C12orf42: variants seen among roughly 807,000 people sequenced by gnomAD.
C12orf42 encodes the protein uncharacterized protein C12orf42.
In C12orf42, 25 loss-of-function variants were observed where a neutral mutation model predicts 21.6. That is an observed-to-expected ratio of 1.16 (90% CI 0.84 to 1.62). C12orf42 has a LOEUF of 1.62. C12orf42 is among the 40% of genes most tolerant of loss of function. C12orf42 has a pLI of 0.00. For synonymous variants in C12orf42, 174 were observed against 175.0 expected, an observed-to-expected ratio of 0.99 and a Z score of 0.05; for missense variants, 483 against 459.3, an observed-to-expected ratio of 1.05 and a Z score of -0.47.
At chr12:103,126,517 G>T in the C12orf42 span, among the ~76,000 whole-genome samples, 1 of 152,230 alleles carries the variant, frequency 6.6e-6, no homozygotes, top group African/African-American at 2.4e-5. Context: ...AATAAGAGAA[G>T]ATGCCCACCA....
chr12:103,133,363 C>T, the C12orf42 span, among the ~76,000 whole-genome samples: 139 of 152,194 alleles, frequency 9.1e-4, no homozygotes, highest in Admixed American at 1.5e-3. Context: ...ATTGTTACTA[C>T]TGGCACCTAA....
chr12:103,328,156 G>C (rs765880200), intron 4 of C12orf42, among the ~76,000 whole-genome samples: 4 of 152,030 alleles, frequency 2.6e-5, no homozygotes, highest in African/African-American at 4.8e-5. Flanking sequence ...ATCTCATCAA[G>C]GGAAAAATAT....
rs140308334 is a variant in C12orf42 at position 103,329,063 on chromosome 12, C to A, written c.260-22718G>T. ...GCAGTGATAAGCGCAGGGATGCAGG[C>A]ATGCATTTAGAGCTATGGCAGGGAC... On this transcript the variant is annotated intron_variant, in intron 4 of 5. Transcript: ENST00000548883. Among the ~76,000 whole-genome samples the A allele has an allele frequency of 4.2e-3, 632 of 152,054 alleles. 4 individuals are homozygous for A. Among genetic ancestry groups the A allele is most frequent in the African/African-American group, 0.014 (597 of 41,420 alleles).
At chr12:103,334,788 C>T (rs1270340590) in intron 4 of C12orf42, among the ~76,000 whole-genome samples, 7 of 152,308 alleles carry the variant, frequency 4.6e-5, no homozygotes, top group East Asian at 1.9e-4. Flanking sequence ...ATTGTTGCTG[C>T]GCCAACCACC....
the C12orf42 span, among the ~76,000 whole-genome samples, chr12:103,058,403 A>G: frequency 6.6e-6 from 1 of 151,960 alleles, no homozygotes; most frequent in Admixed American, 6.6e-5. Flanking sequence ...GCTTGCAAAA[A>G]TTTTCTCCCA....
intron 2 of C12orf42, among the ~76,000 whole-genome samples, chr12:103,439,440 C>A (rs941887635): frequency 1.6e-5 from 2 of 123,616 alleles, no homozygotes; most frequent in African/African-American, 3.1e-5. Context: ...TTCTGCACAG[C>A]AAAAGAAACT....
At chr12:103,076,609 T>A in the C12orf42 span, among the ~76,000 whole-genome samples, 1 of 152,174 alleles carries the variant, frequency 6.6e-6, no homozygotes, top group Non-Finnish European at 1.5e-5. Context: ...TGAAGGATGA[T>A]GTTGATGAAA....
intron 3 of C12orf42, chr12:103,396,512 T>C (rs146804431): frequency 3.9e-5 from 6 of 152,392 alleles, no homozygotes; most frequent in South Asian, 2.1e-4. Flanking sequence ...AACATTTTAA[T>C]GAATGGAGTA....
intron 4 of C12orf42, among the ~76,000 whole-genome samples, chr12:103,290,191 C>T (rs2036707235): frequency 6.6e-6 from 1 of 152,152 alleles, no homozygotes; most frequent in South Asian, 2.1e-4. Context: ...CACAACAGTT[C>T]AAAGCATATT....
chr12:103,470,450 GTGAGAAC>G (rs1592949750), intron 2 of C12orf42, among the ~76,000 whole-genome samples: 1 of 152,274 alleles, frequency 6.6e-6, no homozygotes, highest in East Asian at 1.9e-4. Context: ...TTCATTCATG[GTGAGAAC>G]ATGAAGGTAT....
chr12:103,294,428 G>GAAAGAAAGAA (rs1555245896), intron 4 of C12orf42, among the ~76,000 whole-genome samples: 4 of 96,020 alleles, frequency 4.2e-5, no homozygotes, highest in Non-Finnish European at 2.0e-5. Context: ...AAAGGAGAGA[G>GAAAGAAAGAA]AGAAAGAAAG....
the C12orf42 span, among the ~76,000 whole-genome samples, chr12:103,191,481 G>A: frequency 2.1e-5 from 3 of 142,350 alleles, no homozygotes; most frequent in African/African-American, 5.4e-5. Flanking sequence ...GCTGGGTCAG[G>A]CAGATTACTT....
chr12:103,140,112 T>C, the C12orf42 span, among the ~76,000 whole-genome samples: 1 of 152,214 alleles, frequency 6.6e-6, no homozygotes, highest in African/African-American at 2.4e-5. Flanking sequence ...AGTGGCCTCT[T>C]CCTGGTTGTC....
At chr12:103,436,121 T>G (rs558290916) in intron 2 of C12orf42, among the ~76,000 whole-genome samples, 1 of 152,132 alleles carries the variant, frequency 6.6e-6, no homozygotes, top group Non-Finnish European at 1.5e-5. Context: ...AAAAGAATTT[T>G]CAACCCAGAA....
chr12:103,198,607 C>T, the C12orf42 span, among the ~76,000 whole-genome samples: 1 of 152,238 alleles, frequency 6.6e-6, no homozygotes, highest in Non-Finnish European at 1.5e-5. Context: ...GCTGACTCTG[C>T]AAGCAGCTCT....
chr12:103,378,106 C>T (rs556186955), intron 3 of C12orf42, among the ~76,000 whole-genome samples: 1 of 152,146 alleles, frequency 6.6e-6, no homozygotes, highest in South Asian at 2.1e-4. Flanking sequence ...CCTGGCTATT[C>T]CAGCTCCTAC....
At chr12:103,489,087 G>T (rs10735387) in intron 1 of C12orf42, among the ~76,000 whole-genome samples, 91,214 of 152,144 alleles carry the variant, frequency 0.6, 28,259 homozygotes, top group Admixed American at 0.7. Flanking sequence ...TGTGGTTTTA[G>T]CTACCTTTTG....
intron 2 of C12orf42, among the ~76,000 whole-genome samples, chr12:103,446,924 A>G (rs1019603133): frequency 1.3e-5 from 2 of 152,054 alleles, no homozygotes; most frequent in Non-Finnish European, 2.9e-5. Context: ...GGAGACTTTA[A>G]TACTCCATTG....
At chr12:103,091,386 T>C in the C12orf42 span, among the ~76,000 whole-genome samples, 1 of 141,932 alleles carries the variant, frequency 7.0e-6, no homozygotes, top group Admixed American at 7.0e-5. Context: ...TTGCCTCAAA[T>C]AAAAAAAAAA....
Sources: gnomAD v4.1 joint callset for allele counts (sites outside exome capture counted in the v4.1 genomes callset) on GRCh38, gnomAD v4.1.1 for gene constraint, MANE v1.5 for transcripts, NCBI Gene and HGNC (gene_info 2026-07-23, HGNC 2026-07-21) for gene names.